The following MYL5 variants were observed in gnomAD, a reference collection of about 807,000 sequenced individuals.
MYL5 encodes the protein myosin light chain 5, also known as myosin regulatory light chain 5.
In MYL5, 28 loss-of-function variants were observed where a neutral mutation model predicts 20.8. The observed-to-expected ratio is 1.35, with a 90% CI of 1.00 to 1.84. The LOEUF (loss-of-function observed/expected upper bound fraction) is 1.84, where lower values mean the gene tolerates loss of function less well. Ranked by LOEUF, MYL5 falls within the 40% of genes most tolerant of loss-of-function variation. The pLI, the probability that MYL5 is intolerant of heterozygous loss-of-function variation, is 0.00. For missense variants in MYL5, 274 were observed against 227.3 expected (o/e 1.21, Z -1.32); for synonymous variants, 118 against 87.4 (o/e 1.35, Z -1.95).
At chr4:674,562 GT>G (rs1738703526), upstream of MYL5, 3 of 457,470 alleles carry the variant, frequency 6.6e-6, no homozygotes, top group African/African-American at 6.3e-5. Flanking sequence ...AGGGCTGGGG[GT>G]CCGCTGTTTC....
chr4:675,817 T>A (rs1738793933), upstream of MYL5: 1 of 152,282 alleles, frequency 6.6e-6, no homozygotes, highest in Admixed American at 6.5e-5. Context: ...GCGTGAACCC[T>A]ACTGTGAGCT....
exon 4 of MYL5, chr4:679,920 C>A: frequency 1.2e-6 from 2 of 1,613,696 alleles, no homozygotes; most frequent in Admixed American, 3.3e-5. Flanking sequence ...ACAGGCAAGA[C>A]CAACGTCAAG....
At chr4:681,788 C>T in intron 6 of MYL5, 105 bp from the exon 9 acceptor site, 1 of 1,233,796 alleles carries the variant, frequency 8.1e-7, no homozygotes, top group Non-Finnish European at 1.0e-6. Flanking sequence ...GGCCCCTCCC[C>T]GCTCCCCCTC....
At chr4:678,394 C>T (rs960511917) in intron 1 of MYL5, 2 of 1,417,500 alleles carry the variant, frequency 1.4e-6, no homozygotes, top group Non-Finnish European at 9.2e-7. Flanking sequence ...GGACGGCGAT[C>T]CCTGACCACT....
intron 6 of MYL5, 35 bp downstream of exon 8, chr4:681,175 G>GGT: frequency 1.9e-6 from 3 of 1,588,616 alleles, no homozygotes; most frequent in Non-Finnish European, 2.6e-6. Context: ...AGCCCACGAG[G>GGT]GGAGGGCGGG....
rs1329672422 is a variant in MYL5, at chr4:680,596, C to G, written c.371+9C>G. 6 of 1,611,422 alleles carry G rather than the reference C, an allele frequency of 3.7e-6. No individual in the cohort carries two copies. Among genetic ancestry groups the G allele is most frequent in the Non-Finnish European group, 5.1e-6 (6 of 1,179,748 alleles). On this transcript the variant is annotated intron_variant, in intron 5 of 6. Coordinates refer to ENST00000400159, the Ensembl canonical transcript of MYL5. ...AAAATCAACAAGGAGTAGTGAGTGC[C>G]CGGGCGGCCAGGGCGGCCCGGCTTC...
chr4:680,045 C>T, intron 4 of MYL5, 27 bp downstream of exon 6: 2 of 1,541,518 alleles, frequency 1.3e-6, no homozygotes, highest in African/African-American at 1.4e-5. Flanking sequence ...CAGGCCTGGC[C>T]CTCCTAGCTA....
chr4:677,484 C>G (rs1033521521), upstream of MYL5, among the ~76,000 whole-genome samples: 2 of 152,240 alleles, frequency 1.3e-5, no homozygotes, highest in Non-Finnish European at 2.9e-5. Context: ...AGCTCCCAGC[C>G]ATGAGGTCAG....
chr4:681,201 T>G, intron 6 of MYL5, 61 bp downstream of exon 8: 1 of 1,558,560 alleles, frequency 6.4e-7, no homozygotes, highest in Non-Finnish European at 8.7e-7. Context: ...CGGGGTCAGC[T>G]GGGTGGAGGG....
intron 3 of MYL5, 178 bp downstream of exon 5, chr4:679,211 G>T: frequency 1.4e-6 from 1 of 724,556 alleles, no homozygotes. Flanking sequence ...ATCAGAGCTG[G>T]CAGAGAGCAT....
chr4:678,509 G>T (rs2109332744), intron 1 of MYL5, 149 bp from the exon 4 acceptor site: 1 of 1,445,470 alleles, frequency 6.9e-7, no homozygotes, highest in African/African-American at 1.4e-5. Flanking sequence ...CCAGGCCTGA[G>T]GCTGGCATGC....
chr4:678,804 G>A lies in MYL5; in HGVS notation c.111+39G>A, dbSNP rs773019289. The A allele has an allele frequency of 3.1e-6, 5 of 1,608,660 alleles. No homozygotes were observed. In the East Asian group the frequency reaches 8.9e-5, roughly 29 times the overall value. On this transcript the variant is annotated intron_variant, in intron 2 of 6. Coordinates refer to ENST00000400159, the Ensembl canonical transcript of MYL5. ...GCTTCACTGGGAGCCCCCACCCCCA[G>A]GAGCCTGTGCTGGGAAGACCCCATG... is the stretch of plus-strand genomic sequence containing the variant.
intron 1 of MYL5, 22 bp downstream of exon 3, chr4:678,051 C>T: frequency 6.2e-7 from 1 of 1,613,000 alleles, no homozygotes; most frequent in Non-Finnish European, 8.5e-7. Flanking sequence ...GCCGTGCATG[C>T]CTGGGGCAGG....
chr4:676,542 G>A (rs1478489996), upstream of MYL5: 1 of 152,392 alleles, frequency 6.6e-6, no homozygotes. Context: ...TGTGGGTGCA[G>A]AAGCCGATAC....
rs759498576 is a variant in MYL5 at position 679,911 on chromosome 4, C to T, written c.188-3C>T. ...CCCTGTGATGCCCCCATGTCTGTAA[C>T]AGGCAAGACCAACGTCAAGGACGAC... is the stretch of plus-strand genomic sequence containing the variant. On this transcript the variant is annotated splice_region_variant and splice_polypyrimidine_tract_variant and intron_variant, in intron 3 of 6. Coordinates refer to ENST00000400159, the Ensembl canonical transcript of MYL5. The T allele has an allele frequency of 5.0e-6, 8 of 1,613,356 alleles. No individual in the cohort carries two copies. Among genetic ancestry groups the T allele is most frequent in the Non-Finnish European group, 6.8e-6 (8 of 1,179,792 alleles).
At chr4:680,688 T>C (rs1189972408) in intron 5 of MYL5, 101 bp downstream of exon 7, 2 of 1,218,818 alleles carry the variant, frequency 1.6e-6, no homozygotes, top group African/African-American at 3.0e-5. Flanking sequence ...CACGCCCACC[T>C]CCCCACCTCT....
intron 3 of MYL5, chr4:679,270 A>AGCCCTGAAGCTGCAAG (rs1440590285): frequency 1.6e-6 from 1 of 632,316 alleles, no homozygotes; most frequent in Non-Finnish European, 2.8e-6. Flanking sequence ...GGAAACTCAG[A>AGCCCTGAAGCTGCAAG]GTGGGCTTTG....
upstream of MYL5, chr4:675,286 C>T (rs897746233): frequency 6.6e-6 from 1 of 152,508 alleles, no homozygotes; most frequent in Non-Finnish European, 1.5e-5. Flanking sequence ...CTGGCACCCC[C>T]TCCACGTTCT....
upstream of MYL5, chr4:676,590 G>C (rs1054463634): frequency 6.6e-6 from 1 of 152,268 alleles, no homozygotes; most frequent in Non-Finnish European, 1.5e-5. Flanking sequence ...TTAGCACTGT[G>C]CTCAGACTCC....
Sources: allele counts gnomAD v4.1 joint callset (sites outside exome capture counted in the v4.1 genomes callset), GRCh38; gene constraint gnomAD v4.1.1; transcripts MANE v1.5; gene names NCBI Gene and HGNC (gene_info 2026-07-23, HGNC 2026-07-21).